Variants in RUNX1 observed in about 807,000 individuals in gnomAD.
RUNX1 encodes RUNX family transcription factor 1, also known as runt-related transcription factor 1.
Under a neutral mutation model 42.8 loss-of-function variants are expected in RUNX1, and 19 were observed. The ratio of observed to expected loss-of-function variants is 0.44; its 90% CI spans 0.31 to 0.65. The LOEUF is 0.65. Among genes scored for constraint, RUNX1 ranks in the 30% least tolerant of loss-of-function variants. The pLI, the probability that RUNX1 is intolerant of heterozygous loss-of-function variation, is 0.07. For synonymous variants in RUNX1, 271 were observed against 289.4 expected (o/e 0.94, Z 0.64); for missense variants, 528 against 672.0 (o/e 0.79, Z 2.37).
At chr21:35,016,659 G>A (rs1419651093) in intron 2 of RUNX1, among the ~76,000 whole-genome samples, 1 of 152,142 alleles carries the variant, frequency 6.6e-6, no homozygotes, top group Non-Finnish European at 1.5e-5. Context: ...CCATGGTCCA[G>A]GGGCTAGTGT....
At chr21:34,895,217 T>C (rs1241174022) in intron 2 of RUNX1, among the ~76,000 whole-genome samples, 5 of 152,194 alleles carry the variant, frequency 3.3e-5, no homozygotes, top group Non-Finnish European at 2.9e-5. Flanking sequence ...TTGATAATAA[T>C]ATAAAATGGC....
At chr21:34,927,594 CTG>C (rs2058405841) in intron 2 of RUNX1, among the ~76,000 whole-genome samples, 1 of 152,164 alleles carries the variant, frequency 6.6e-6, no homozygotes, top group African/African-American at 2.4e-5. Context: ...TATTCAGACT[CTG>C]AATTCAATAA....
At chr21:34,893,089 T>G (rs2058098520) in intron 2 of RUNX1, 126 bp from the exon 3 acceptor site, 7 of 671,032 alleles carry the variant, frequency 1.0e-5, no homozygotes, top group Non-Finnish European at 1.9e-5. Flanking sequence ...TTTATAGCTT[T>G]GACACAAAAA....
chr21:34,800,409 A>G (rs2056592316), intron 7 of RUNX1, among the ~76,000 whole-genome samples: 1 of 152,244 alleles, frequency 6.6e-6, no homozygotes, highest in African/African-American at 2.4e-5. Context: ...GGAGTTAAAC[A>G]TTAATTTTCT....
intron 2 of RUNX1, among the ~76,000 whole-genome samples, chr21:34,908,270 A>C (rs147717704): frequency 6.6e-6 from 1 of 152,192 alleles, no homozygotes; most frequent in Non-Finnish European, 1.5e-5. Flanking sequence ...ATGCAATGAG[A>C]TGCAAAAGGG....
intron 2 of RUNX1, among the ~76,000 whole-genome samples, chr21:34,952,787 T>C (rs2058618232): frequency 6.6e-6 from 1 of 152,164 alleles, no homozygotes; most frequent in Admixed American, 6.5e-5. Context: ...GGGAACATAC[T>C]GGGTACTGGT....
At chr21:34,979,679 T>C (rs2058832149) in intron 2 of RUNX1, among the ~76,000 whole-genome samples, 2 of 152,270 alleles carry the variant, frequency 1.3e-5, no homozygotes, top group African/African-American at 2.4e-5. Flanking sequence ...GACATGTCTA[T>C]ATATTATCTG....
intron 2 of RUNX1, among the ~76,000 whole-genome samples, chr21:34,943,656 T>A (rs1242845898): frequency 3.3e-5 from 5 of 152,110 alleles, no homozygotes; most frequent in Non-Finnish European, 5.9e-5. Context: ...ATGTTGATGT[T>A]TTTTCACCCC....
Position 35,024,542 on chromosome 21 carries a change from G to A in RUNX1, c.58+24300C>T, listed in dbSNP as rs553037017. ...GTAGACCTCTGGGCATTCTTCAAAA[G>A]ACTTAGAACTGACTTTTAACTCACT... On this transcript the variant is annotated intron_variant, in intron 2 of 8. Transcript: ENST00000675419. 9.9e-5 allele frequency among the ~76,000 whole-genome samples: 15 copies of A among 152,236 alleles called. 1 individual carries two copies. In the South Asian group the frequency reaches 3.1e-3, roughly 32 times the overall value.
chr21:34,825,890 G>T (rs2056979991), intron 7 of RUNX1, among the ~76,000 whole-genome samples: 1 of 152,218 alleles, frequency 6.6e-6, no homozygotes, highest in Non-Finnish European at 1.5e-5. Flanking sequence ...AAGTTGGAAT[G>T]ATACAGTCTG....
intron 3 of RUNX1, among the ~76,000 whole-genome samples, chr21:34,889,988 G>C (rs2058059898): frequency 6.6e-6 from 1 of 152,054 alleles, no homozygotes; most frequent in Non-Finnish European, 1.5e-5. Flanking sequence ...AAGCTCCCCG[G>C]CGCGGGGGTC....
intron 2 of RUNX1, among the ~76,000 whole-genome samples, chr21:34,926,312 A>G (rs137945640): frequency 6.6e-6 from 1 of 151,236 alleles, no homozygotes; most frequent in African/African-American, 2.4e-5. Context: ...CCATCTCTAC[A>G]AAAAAATACA....
At position 34,788,390 on chromosome 21, in the gene RUNX1, CAAA is replaced by C; in HGVS notation, c.*3742_*3744del. The C allele has an allele frequency of 4.3e-6, 1 of 232,654 alleles. No homozygotes were observed. The highest frequency in any genetic ancestry group is 8.5e-6 in the Non-Finnish European group (1 of 117,726). The allele number at this position is 232,654 out of a possible 1,614,324, so 14.4% of individuals were successfully genotyped here. A position where few individuals can be genotyped will look rare whatever the true frequency, so the allele number is the denominator to read the frequency against. On this transcript the variant is annotated 3_prime_UTR_variant, in exon 9 of 9. Coordinates refer to ENST00000675419, the MANE Select transcript of RUNX1 (RefSeq NM_001754.5). ...TTTTGCACATTCATTTCCCCTAGAA[CAAA>C]AAAAGTGAACTTAAAAAAAATTGGA...
intron 2 of RUNX1, among the ~76,000 whole-genome samples, chr21:34,936,705 C>T (rs2058488397): frequency 6.6e-6 from 1 of 152,154 alleles, no homozygotes; most frequent in Non-Finnish European, 1.5e-5. Flanking sequence ...GGCCGGGAGA[C>T]CCCATGGGTG....
intron 2 of RUNX1, among the ~76,000 whole-genome samples, chr21:34,977,542 A>G (rs1159497569): frequency 6.6e-6 from 1 of 152,210 alleles, no homozygotes; most frequent in Non-Finnish European, 1.5e-5. Context: ...TTAACCTATT[A>G]CTACCTGCTT....
intron 2 of RUNX1, among the ~76,000 whole-genome samples, chr21:34,909,928 C>T (rs34902592): frequency 0.33 from 50,336 of 152,028 alleles, 9,917 homozygotes; most frequent in East Asian, 0.54. Context: ...TGCTTCCTTC[C>T]GCCTCTTCCT....
chr21:34,826,545 C>G (rs2056991359), intron 7 of RUNX1, among the ~76,000 whole-genome samples: 1 of 141,412 alleles, frequency 7.1e-6, no homozygotes. Context: ...TCAAGCGATT[C>G]TCCTGCCTCA....
intron 2 of RUNX1, among the ~76,000 whole-genome samples, chr21:34,939,234 C>G (rs1019444433): frequency 6.6e-6 from 1 of 152,212 alleles, no homozygotes; most frequent in African/African-American, 2.4e-5. Context: ...GAATGTGATA[C>G]TTTGCTAGGC....
At chr21:34,894,536 C>T (rs1205630437) in intron 2 of RUNX1, among the ~76,000 whole-genome samples, 1 of 152,040 alleles carries the variant, frequency 6.6e-6, no homozygotes, top group South Asian at 2.1e-4. Context: ...GGTGAAGTAG[C>T]ACCTGTGGAG....
Sources: allele counts gnomAD v4.1 joint callset (sites outside exome capture counted in the v4.1 genomes callset), GRCh38; gene constraint gnomAD v4.1.1; transcripts MANE v1.5; gene names NCBI Gene and HGNC (gene_info 2026-07-23, HGNC 2026-07-21).